Variants in RASSF2 observed in about 807,000 individuals in gnomAD.
The protein encoded by RASSF2 is Ras association domain family member 2.
Under a neutral mutation model 46.3 loss-of-function variants are expected in RASSF2, and 34 were observed. The ratio of observed to expected loss-of-function variants is 0.73; its 90% CI spans 0.56 to 0.98. The LOEUF (loss-of-function observed/expected upper bound fraction) is 0.98, where lower values mean the gene tolerates loss of function less well. Ranked by LOEUF, RASSF2 falls within the 50% of genes least tolerant of loss-of-function variation. RASSF2 has a pLI of 0.00. For missense variants in RASSF2, 364 were observed against 431.2 expected (o/e 0.84, Z 1.38); for synonymous variants, 158 against 162.5 (o/e 0.97, Z 0.21).
chr20:4,815,432 C>T (rs1928225608), intron 2 of RASSF2, among the ~76,000 whole-genome samples: 1 of 152,180 alleles, frequency 6.6e-6, no homozygotes, highest in South Asian at 2.1e-4. Flanking sequence ...TCATGGACTC[C>T]ACCAGTTAAA....
chr20:4,797,919 T>G (rs1601103705), intron 4 of RASSF2, 91 bp downstream of exon 4: 21 of 1,551,170 alleles, frequency 1.4e-5, no homozygotes, highest in Admixed American at 3.9e-5. Context: ...AGAGGCAGGG[T>G]TCTCTTGGGA....
At chr20:4,815,175 C>A (rs1885306) in intron 2 of RASSF2, 60,359 of 152,056 alleles carry the variant, frequency 0.4, 13,478 homozygotes, top group Non-Finnish European at 0.51. Flanking sequence ...CTCCCGTGAC[C>A]CCTGAATAGA....
Position 4,798,092 on chromosome 20 carries a change from G to C in RASSF2, c.60-7C>G. 6.2e-7 allele frequency: 1 copy of C among 1,613,466 alleles called. No individual in the cohort carries two copies. On this transcript the variant is annotated splice_polypyrimidine_tract_variant and splice_region_variant and intron_variant, in intron 3 of 11. Transcript: ENST00000379400. Reference sequence around the variant, plus strand: ...ATGCAAGAGAAGTTCATTTCTTAGGGGGAAAAATAGAAGAGATATAACATT... The same window carrying C: ...ATGCAAGAGAAGTTCATTTCTTAGGCGGAAAAATAGAAGAGATATAACATT...
rs1568559592 is a variant in RASSF2, at chr20:4,783,457, G to A, written c.*816C>T. 1 of 152,610 alleles carries A rather than the reference G, an allele frequency of 6.6e-6. No homozygotes were observed. Among genetic ancestry groups the A allele is most frequent in the Non-Finnish European group, 1.5e-5 (1 of 68,078 alleles). The allele number at this position is 152,610 out of a possible 1,614,324, so 9.5% of individuals were successfully genotyped here. ...GCCATAGAGACAGGCTGTCAGCTGGGTACAGAGAAACACACAGGATCTTCT... is the reference window on the plus strand; with the variant it reads ...GCCATAGAGACAGGCTGTCAGCTGGATACAGAGAAACACACAGGATCTTCT... On this transcript the variant is annotated 3_prime_UTR_variant, in exon 12 of 12. Coordinates refer to ENST00000379400, the MANE Select transcript of RASSF2 (RefSeq NM_014737.3).
intron 2 of RASSF2, among the ~76,000 whole-genome samples, chr20:4,816,033 G>T (rs1928279102): frequency 6.6e-6 from 1 of 152,222 alleles, no homozygotes; most frequent in African/African-American, 2.4e-5. Context: ...CAGGTTCCAT[G>T]GTTCACACCT....
intron 2 of RASSF2, among the ~76,000 whole-genome samples, chr20:4,809,937 A>G (rs1041325939): frequency 2.0e-5 from 3 of 152,196 alleles, no homozygotes; most frequent in African/African-American, 7.2e-5. Context: ...GACAGCCCGT[A>G]GGCATTTCCC....
At chr20:4,810,678 G>A (rs1260535093) in intron 2 of RASSF2, among the ~76,000 whole-genome samples, 2 of 152,190 alleles carry the variant, frequency 1.3e-5, no homozygotes, top group East Asian at 1.9e-4. Context: ...GCCTTTGGTG[G>A]TCACTTTTGT....
At position 4,790,493 on chromosome 20, in the gene RASSF2, T is replaced by A; in HGVS notation, c.495A>T (p.Arg165Ser). Residue 165 changes from arginine (R) to serine (S), a missense_variant, in exon 7 of 12, where the codon AGA (arginine) becomes AGT (serine). By Grantham distance (110) the Arg-to-Ser change is moderately radical. Coordinates refer to ENST00000379400, the MANE Select transcript of RASSF2 (RefSeq NM_014737.3). The surrounding 1 kb of genome is among the most constrained non-coding windows in gnomAD (Gnocchi z 4.3). ...GGCCGTTGATGGAGAAGCGGTGGCG[T>A]CTGATTCGCCGCTGGTCACTAGGCG... ...VRTPSDQRRI[R>S]RHRFSINGHF... 6.6e-7 allele frequency: 1 copy of A among 1,514,710 alleles called. No homozygotes were observed. The highest frequency in any genetic ancestry group is 8.8e-7 in the Non-Finnish European group (1 of 1,135,838). 93.8% of individuals were successfully genotyped at this position (1,514,710 alleles called of 1,614,324 possible).
chr20:4,796,969 C>T lies in RASSF2; in HGVS notation c.136-1003G>A, dbSNP rs118132197. Among the ~76,000 whole-genome samples the T allele has an allele frequency of 3.9e-5, 6 of 152,230 alleles. No individual in the cohort carries two copies. The East Asian group carries it at 5.8e-4, about 15-fold the overall frequency. ...TGGAACACATCTTCAGGACAAGCCC[C>T]ATAGGTGAAAATAACATCAGCCCAT... On this transcript the variant is annotated intron_variant, in intron 4 of 11. Coordinates refer to ENST00000379400, the MANE Select transcript of RASSF2 (RefSeq NM_014737.3).
At position 4,789,581 on chromosome 20, in the gene RASSF2, G is replaced by A. The variant is rs769261997; in HGVS notation, c.639+15C>T. The A allele has an allele frequency of 1.2e-6, 2 of 1,610,262 alleles. No individual in the cohort carries two copies. The highest frequency in any genetic ancestry group is 2.2e-5 in the South Asian group (2 of 90,974). On this transcript the variant is annotated intron_variant, in intron 8 of 11. Coordinates refer to ENST00000379400, the MANE Select transcript of RASSF2 (RefSeq NM_014737.3). ...CTGTGACCCCATCTGTGGCCACTCA[G>A]CAAAGGGAACTTGCCTTAAATTTGT...
At chr20:4,821,088 G>A (rs1462134137) in intron 2 of RASSF2, among the ~76,000 whole-genome samples, 2 of 152,104 alleles carry the variant, frequency 1.3e-5, no homozygotes, top group East Asian at 1.9e-4. Flanking sequence ...CGTATGGAAC[G>A]CAGACACGAA....
intron 2 of RASSF2, 56 bp from the exon 3 acceptor site, chr20:4,801,118 A>C: frequency 5.5e-6 from 8 of 1,448,870 alleles, no homozygotes; most frequent in Non-Finnish European, 7.7e-6. Context: ...TTGGGAACTC[A>C]GCAGAACTTG....
chr20:4,812,511 A>C lies in RASSF2; in HGVS notation c.-33+9818T>G, dbSNP rs1257661985. On this transcript the variant is annotated intron_variant, in intron 2 of 11. Transcript: ENST00000379400. The surrounding 1 kb of genome is among the most constrained non-coding windows in gnomAD (Gnocchi z 4.0). ...TTTCAGCCAAAAATCAGCCAACCCAACTGTATTCTGGAGGAGAGGTTCTCC... is the reference window on the plus strand; with the variant it reads ...TTTCAGCCAAAAATCAGCCAACCCACCTGTATTCTGGAGGAGAGGTTCTCC... Among the ~76,000 whole-genome samples, 3 of 152,036 alleles carry C rather than the reference A, an allele frequency of 2.0e-5. No individual in the cohort carries two copies. Among genetic ancestry groups the C allele is most frequent in the Non-Finnish European group, 4.4e-5 (3 of 68,012 alleles).
In RASSF2 at chr20:4,780,403, C is replaced by A; in HGVS notation, c.*3870G>T. ...TTAAATACAGTTAAAACACAAGGGG[C>A]GCTTCAACACCCCCCTTGTGATAGG... On this transcript the variant is annotated 3_prime_UTR_variant, in exon 12 of 12. Transcript: ENST00000379400. The A allele has an allele frequency of 6.6e-6, 1 of 152,228 alleles. No homozygotes were observed. Among genetic ancestry groups the A allele is most frequent in the Admixed American group, 6.5e-5 (1 of 15,286 alleles). The allele number at this position is 152,228 out of a possible 1,614,324, so 9.4% of individuals were successfully genotyped here. A position where few individuals can be genotyped will look rare whatever the true frequency, so the allele number is the denominator to read the frequency against.
intron 5 of RASSF2, among the ~76,000 whole-genome samples, chr20:4,792,830 C>A (rs1926014904): frequency 6.6e-6 from 1 of 152,170 alleles, no homozygotes; most frequent in Non-Finnish European, 1.5e-5. Flanking sequence ...CCAGGTCAAG[C>A]AGTGGGTGGG....
At chr20:4,791,655 C>G (rs546190884) in intron 6 of RASSF2, among the ~76,000 whole-genome samples, 1 of 152,250 alleles carries the variant, frequency 6.6e-6, no homozygotes, top group East Asian at 1.9e-4. Context: ...ATGCATATGG[C>G]CTTAAACCCA....
Position 4,780,357 on chromosome 20 carries a change from G to T in RASSF2, c.*3916C>A, listed in dbSNP as rs1201215052. ...GGTAAACTGAGGGTTTCCCACCACA[G>T]CTTGTGCATCTTGTGCTCAGTTAAA... On this transcript the variant is annotated 3_prime_UTR_variant, in exon 12 of 12. Transcript: ENST00000379400. 6.6e-6 allele frequency: 1 copy of T among 152,200 alleles called. No homozygotes were observed. The highest frequency in any genetic ancestry group is 1.5e-5 in the Non-Finnish European group (1 of 68,034). 9.4% of individuals were successfully genotyped at this position (152,200 alleles called of 1,614,324 possible).
chr20:4,801,344 T>C (rs1413788160), intron 2 of RASSF2, among the ~76,000 whole-genome samples: 1 of 152,188 alleles, frequency 6.6e-6, no homozygotes, highest in Non-Finnish European at 1.5e-5. Context: ...GACAGCCACA[T>C]TGGTTCCAAG....
intron 3 of RASSF2, among the ~76,000 whole-genome samples, chr20:4,800,181 C>G (rs907145297): frequency 6.6e-6 from 1 of 152,050 alleles, no homozygotes; most frequent in Non-Finnish European, 1.5e-5. Flanking sequence ...TTGGCTCAAG[C>G]CCAGTCACAT....
Sources: allele counts gnomAD v4.1 joint callset (sites outside exome capture counted in the v4.1 genomes callset), GRCh38; gene constraint gnomAD v4.1.1; non-coding constraint Gnocchi (gnomAD v3.1); transcripts MANE v1.5; gene names NCBI Gene and HGNC (gene_info 2026-07-23, HGNC 2026-07-21).